The following HAGH variants were observed in gnomAD, a reference collection of about 807,000 sequenced individuals.
The protein encoded by HAGH is hydroxyacylglutathione hydrolase.
Under a neutral mutation model 35.1 loss-of-function variants are expected in HAGH, and 29 were observed. The ratio of observed to expected loss-of-function variants is 0.83; its 90% CI spans 0.62 to 1.13. The LOEUF (loss-of-function observed/expected upper bound fraction) is 1.13. Among genes scored for constraint, HAGH ranks in the 50% most tolerant of loss-of-function variants. The probability of loss-of-function intolerance (pLI) is 0.00; values close to 1 mark genes in which losing one functional copy is unlikely to be tolerated. For missense variants in HAGH, 478 were observed against 419.6 expected, an observed-to-expected ratio of 1.14 and a Z score of -1.22; for synonymous variants, 225 against 176.1, an observed-to-expected ratio of 1.28 and a Z score of -2.20.
intron 2 of HAGH, 62 bp downstream of exon 2, chr16:1,822,803 C>T (rs753901423): frequency 1.8e-5 from 26 of 1,419,776 alleles, no homozygotes; most frequent in Non-Finnish European, 2.6e-5. Flanking sequence ...GGAAACCCAT[C>T]GGGGGTGAGG....
At position 1,816,980 on chromosome 16, in the gene HAGH, G is replaced by A. The variant is rs944369926; in HGVS notation, c.660C>T (p.Gly220=). Residue 220 remains glycine (G), a synonymous_variant, in exon 7 of 9, where the codon GGC becomes GGT. Coordinates refer to ENST00000397356, the MANE Select transcript of HAGH (RefSeq NM_005326.6). The stretch of plus-strand genomic sequence containing the variant: ...TGAGGTTGTTGATGGTGTACTCGTG[G>A]CCACAGTAGACTCTCTGAGGAGAGA... ...RLPPDTRVYC[G]HEYTINNLKF... is the part of the protein sequence containing the mutation. 4 of 1,611,008 alleles carry A rather than the reference G, an allele frequency of 2.5e-6. No homozygotes were observed. In the Admixed American group the frequency reaches 6.7e-5, roughly 27 times the overall value.
At chr16:1,824,205 G>C (rs1898291514) in intron 1 of HAGH, among the ~76,000 whole-genome samples, 1 of 149,104 alleles carries the variant, frequency 6.7e-6, no homozygotes, top group Admixed American at 6.7e-5. Flanking sequence ...CTGGGCAACA[G>C]AGTGAGACAG....
At chr16:1,819,573 A>G (rs1400889891) in intron 4 of HAGH, among the ~76,000 whole-genome samples, 3 of 152,186 alleles carry the variant, frequency 2.0e-5, no homozygotes, top group Admixed American at 2.0e-4. Flanking sequence ...CTTTACTTCA[A>G]AAATGTTCAC....
intron 7 of HAGH, among the ~76,000 whole-genome samples, chr16:1,812,783 C>T (rs1897716162): frequency 6.6e-6 from 1 of 152,142 alleles, no homozygotes; most frequent in African/African-American, 2.4e-5. Flanking sequence ...CTAAGAAAAC[C>T]AGAGGCCGCA....
upstream of HAGH, chr16:1,827,075 TG>T: frequency 9.4e-7 from 1 of 1,069,404 alleles, no homozygotes; most frequent in Non-Finnish European, 1.3e-6. Context: ...AGTGGATCCC[TG>T]GAGGCCGAGC....
At chr16:1,814,593 A>G (rs1307757030) in intron 7 of HAGH, among the ~76,000 whole-genome samples, 3 of 152,106 alleles carry the variant, frequency 2.0e-5, no homozygotes, top group East Asian at 3.9e-4. Context: ...CTGGGAGAGA[A>G]AAACATCTTT....
intron 8 of HAGH, 69 bp downstream of exon 8, chr16:1,809,685 G>A (rs777195138): frequency 1.1e-5 from 12 of 1,128,088 alleles, no homozygotes; most frequent in Middle Eastern, 2.0e-4. Context: ...CGGACGTACC[G>A]GCTGTGTGTG....
In HAGH at chr16:1,817,262, A is replaced by G. The variant is rs1335469694; in HGVS notation, c.551T>C (p.Leu184Ser). ...EPPAVFTGDTLFVAGCGKFYE... is the reference protein window; with the variant it reads ...EPPAVFTGDTSFVAGCGKFYE... ...GAACTTCCCGCAGCCAGCCACAAAC[A>G]AGGTGTCACCTGGAAACAAGGACAG... The change falls in exon 6 of 9, where the codon TTG (leucine) becomes TCG (serine). Residue 184 changes from leucine (L) to serine (S), a missense_variant. Transcript: ENST00000397356. 1.9e-6 allele frequency: 3 copies of G among 1,609,202 alleles called. 1 individual carries two copies. The South Asian group carries it at 3.3e-5, about 18-fold the overall frequency.
At chr16:1,826,893 C>T, upstream of HAGH, 3 of 725,996 alleles carry the variant, frequency 4.1e-6, no homozygotes, top group Non-Finnish European at 5.9e-6. Flanking sequence ...AGCCAATCAG[C>T]GTCCACCTCG....
chr16:1,824,448 C>T (rs1898303419), intron 1 of HAGH, among the ~76,000 whole-genome samples: 1 of 152,178 alleles, frequency 6.6e-6, no homozygotes, highest in Non-Finnish European at 1.5e-5. Context: ...AAAGTGTCTG[C>T]CACCCAGTCG....
intron 1 of HAGH, among the ~76,000 whole-genome samples, chr16:1,825,854 G>T (rs1402320967): frequency 6.6e-6 from 1 of 152,214 alleles, no homozygotes; most frequent in Admixed American, 6.5e-5. Context: ...GATGACAGGC[G>T]TGCGTCACTG....
chr16:1,819,125 G>C lies in HAGH; in HGVS notation c.531C>G (p.Ala177=), dbSNP rs780222470. 6.2e-7 allele frequency: 1 copy of C among 1,605,838 alleles called. No homozygotes were observed. Among genetic ancestry groups the C allele is most frequent in the African/African-American group, 1.3e-5 (1 of 74,890 alleles). ...VSKPGGSEPP[A]VFTGDTLFVA... is the part of the protein sequence containing the mutation. ...CACTCGAACACGCACCTGTGAACAC[G>C]GCAGGGGGCTCCGAGCCTCCGGGCT... The change falls in exon 5 of 9, where the codon GCC becomes GCG. Residue 177 remains alanine, a synonymous_variant. Transcript: ENST00000397356.
At chr16:1,821,934 GTT>G (rs764064407) in intron 3 of HAGH, 2 of 150,038 alleles carry the variant, frequency 1.3e-5, no homozygotes, top group Non-Finnish European at 2.7e-5. Context: ...CTGGCTGCTT[GTT>G]TTTTTTTGTT....
rs1897516548 is a variant in HAGH at position 1,809,172 on chromosome 16, G to C, written c.*111C>G. On this transcript the variant is annotated 3_prime_UTR_variant, in exon 9 of 9. Transcript: ENST00000397356. Reference sequence around the variant, plus strand: ...TAGAATGTCCGATAACACAAGCCAAGGGCTGTAAAATTAAGGTTAAATCAA... The same window carrying C: ...TAGAATGTCCGATAACACAAGCCAACGGCTGTAAAATTAAGGTTAAATCAA... 1.4e-6 allele frequency: 1 copy of C among 716,872 alleles called. No homozygotes were observed. The highest frequency in any genetic ancestry group is 1.8e-5 in the South Asian group (1 of 56,390). The allele number at this position is 716,872 out of a possible 1,614,324, so 44.4% of individuals were successfully genotyped here.
intron 7 of HAGH, chr16:1,812,535 CAA>C (rs1897706643): frequency 6.9e-6 from 1 of 145,810 alleles, no homozygotes; most frequent in Admixed American, 6.8e-5. Flanking sequence ...AAAAAACACA[CAA>C]ATTGTCAAAA....
chr16:1,807,690 A>G lies in HAGH; in HGVS notation c.*1593T>C, dbSNP rs1363305816. On this transcript the variant is annotated 3_prime_UTR_variant, in exon 9 of 9. Transcript: ENST00000397356. ...AAGAATATTTGCTGAACAATAGAAC[A>G]AACTCTTTGCGCTGGGGCGGGGGTA... The G allele has an allele frequency of 6.6e-6, 1 of 152,276 alleles. No individual in the cohort carries two copies. Among genetic ancestry groups the G allele is most frequent in the Non-Finnish European group, 1.5e-5 (1 of 68,054 alleles). 9.4% of individuals were successfully genotyped at this position (152,276 alleles called of 1,614,324 possible). A position where few individuals can be genotyped will look rare whatever the true frequency, so the allele number is the denominator to read the frequency against.
At chr16:1,809,481 A>C (rs1629534) in intron 8 of HAGH, 99 bp from the exon 9 acceptor site, 681,484 of 963,032 alleles carry the variant, frequency 0.71, 245,905 homozygotes, top group Admixed American at 0.76. Context: ...GGCCGAGCCC[A>C]GCCCTCAGAG....
chr16:1,826,043 G>A (rs536359710), intron 1 of HAGH, among the ~76,000 whole-genome samples: 13 of 152,320 alleles, frequency 8.5e-5, no homozygotes, highest in African/African-American at 2.9e-4. Context: ...GTAATTCTGA[G>A]GACCTCAAAA....
chr16:1,815,821 C>T (rs1220358531), intron 7 of HAGH, among the ~76,000 whole-genome samples: 3 of 151,912 alleles, frequency 2.0e-5, no homozygotes, highest in Admixed American at 6.6e-5. Context: ...GAGTTCAAGA[C>T]GAGCCTGGCC....
Sources: gnomAD v4.1 joint callset for allele counts (sites outside exome capture counted in the v4.1 genomes callset) on GRCh38, gnomAD v4.1.1 for gene constraint, MANE v1.5 for transcripts, NCBI Gene and HGNC (gene_info 2026-07-23, HGNC 2026-07-21) for gene names.